The following GPHN variants were observed in gnomAD, a reference collection of about 807,000 sequenced individuals.
GPHN encodes the protein gephyrin.
In GPHN, 17 loss-of-function variants were observed where a neutral mutation model predicts 95.5. The observed-to-expected ratio is 0.18, with a 90% confidence interval of 0.12 to 0.27. The LOEUF (loss-of-function observed/expected upper bound fraction) is 0.27. Among genes scored for constraint, GPHN ranks in the 10% least tolerant of loss-of-function variants. GPHN has a pLI of 1.00. For missense variants in GPHN, 660 were observed against 978.1 expected (o/e 0.67, Z 4.34); for synonymous variants, 320 against 322.5 (o/e 0.99, Z 0.08).
intron 13 of GPHN, among the ~76,000 whole-genome samples, chr14:67,101,127 A>G (rs892479084): frequency 1.3e-5 from 2 of 152,180 alleles, no homozygotes; most frequent in African/African-American, 4.8e-5. Flanking sequence ...TATTATTAGT[A>G]TGTCTCACAG....
intron 2 of GPHN, chr14:66,709,562 T>C (rs2069416792): frequency 2.8e-6 from 1 of 363,168 alleles, no homozygotes; most frequent in African/African-American, 2.1e-5. Flanking sequence ...AATTTCATCA[T>C]ACTCCTCAGA....
chr14:67,645,743 T>C, the GPHN span: 4 of 1,614,048 alleles, frequency 2.5e-6, no homozygotes, highest in East Asian at 8.9e-5. Context: ...CCTTACCACT[T>C]CATCAGGAAA....
chr14:67,498,249 G>T, the GPHN span, among the ~76,000 whole-genome samples: 1 of 152,036 alleles, frequency 6.6e-6, no homozygotes, highest in Non-Finnish European at 1.5e-5. Context: ...TACCTGGTTT[G>T]CCAAGACGTT....
At chr14:67,129,781 A>C (rs2079570651) in intron 17 of GPHN, among the ~76,000 whole-genome samples, 1 of 147,724 alleles carries the variant, frequency 6.8e-6, no homozygotes, top group Non-Finnish European at 1.5e-5. Context: ...AAAGAGAGAA[A>C]GAAAGAGAGA....
At chr14:67,559,603 T>C in the GPHN span, 1 of 1,581,722 alleles carries the variant, frequency 6.3e-7, no homozygotes, top group Non-Finnish European at 8.6e-7. Context: ...CTCTCTTTCT[T>C]GCAGAAGCAG....
At chr14:67,385,500 A>G in the GPHN span, 1 of 151,998 alleles carries the variant, frequency 6.6e-6, no homozygotes, top group African/African-American at 2.4e-5. Flanking sequence ...CATTAAAAAT[A>G]CAATTTCATC....
chr14:67,206,876 G>GC, the GPHN span, among the ~76,000 whole-genome samples: 1 of 151,956 alleles, frequency 6.6e-6, no homozygotes, highest in Non-Finnish European at 1.5e-5. Flanking sequence ...GATTACAGGT[G>GC]CCCACCACAC....
At chr14:66,999,966 T>C (rs921896001) in intron 9 of GPHN, among the ~76,000 whole-genome samples, 6 of 151,844 alleles carry the variant, frequency 4.0e-5, no homozygotes, top group Non-Finnish European at 8.9e-5. Flanking sequence ...CAGCCTTATC[T>C]TTAATGTCTT....
At chr14:67,011,874 T>C (rs1397475862) in intron 9 of GPHN, among the ~76,000 whole-genome samples, 1 of 148,694 alleles carries the variant, frequency 6.7e-6, no homozygotes. Flanking sequence ...TGTGCTCAGA[T>C]TACAATAAAA....
intron 1 of GPHN, among the ~76,000 whole-genome samples, chr14:66,548,788 C>A (rs2059704827): frequency 1.3e-5 from 2 of 152,162 alleles, no homozygotes; most frequent in South Asian, 2.1e-4. Context: ...AAAACTGAGA[C>A]AGGTGGAAAG....
intron 15 of GPHN, 96 bp downstream of exon 15, chr14:67,112,015 A>C: frequency 1.1e-6 from 1 of 925,442 alleles, no homozygotes; most frequent in Non-Finnish European, 1.8e-6. Context: ...CAGCCATGTC[A>C]GTTAGCCATT....
At chr14:67,102,074 A>ATG (rs1202446799) in intron 13 of GPHN, among the ~76,000 whole-genome samples, 1 of 151,524 alleles carries the variant, frequency 6.6e-6, no homozygotes, top group Non-Finnish European at 1.5e-5. Flanking sequence ...GGATTTCACC[A>ATG]TGTTAGCCAG....
At chr14:67,576,267 C>A in the GPHN span, 1 of 633,576 alleles carries the variant, frequency 1.6e-6, no homozygotes. The surrounding 1 kb of genome is among the most constrained non-coding windows in gnomAD (Gnocchi z 4.0). Flanking sequence ...TCCAGGTAGC[C>A]CTGACTCATG....
At chr14:67,548,738 C>A in the GPHN span, among the ~76,000 whole-genome samples, 1 of 152,168 alleles carries the variant, frequency 6.6e-6, no homozygotes, top group African/African-American at 2.4e-5. Context: ...AAACATTATT[C>A]TTTTTGTAGC....
At chr14:67,500,157 C>A in the GPHN span, among the ~76,000 whole-genome samples, 1 of 152,032 alleles carries the variant, frequency 6.6e-6, no homozygotes, top group Non-Finnish European at 1.5e-5. Flanking sequence ...GAGTGAGACC[C>A]TGTCTCTTAA....
chr14:67,723,614 G>GT, the GPHN span, among the ~76,000 whole-genome samples: 3 of 152,158 alleles, frequency 2.0e-5, no homozygotes, highest in African/African-American at 7.2e-5. Flanking sequence ...AGAGATCTGG[G>GT]TTCAAGTCCC....
chr14:66,668,150 T>G (rs1170799016), intron 1 of GPHN, among the ~76,000 whole-genome samples: 1 of 152,158 alleles, frequency 6.6e-6, no homozygotes, highest in African/African-American at 2.4e-5. Flanking sequence ...CTTGTGAGGT[T>G]GTGGATAAAA....
At chr14:66,745,710 TATTA>T (rs978285080) in intron 2 of GPHN, among the ~76,000 whole-genome samples, 14 of 152,182 alleles carry the variant, frequency 9.2e-5, no homozygotes, top group Middle Eastern at 3.4e-3. Flanking sequence ...TAGTTGATTA[TATTA>T]ATTAAAGTAA....
intron 2 of GPHN, among the ~76,000 whole-genome samples, chr14:66,688,831 G>A (rs1033753190): frequency 1.5e-4 from 22 of 149,586 alleles, no homozygotes; most frequent in South Asian, 2.1e-4. Flanking sequence ...ACCAAACACC[G>A]CATGTTCTCA....
Sources: gnomAD v4.1 joint callset for allele counts (sites outside exome capture counted in the v4.1 genomes callset) on GRCh38, gnomAD v4.1.1 for gene constraint, Gnocchi (gnomAD v3.1) non-coding constraint, MANE v1.5 for transcripts, NCBI Gene and HGNC (gene_info 2026-07-23, HGNC 2026-07-21) for gene names.